Variants in DNAH9 observed in about 807,000 individuals in gnomAD.
DNAH9 encodes dynein axonemal heavy chain 9.
DNAH9 carries 345 observed loss-of-function variants against 471.6 expected under a neutral mutation model. That is an observed-to-expected ratio of 0.73 (90% confidence interval 0.67 to 0.80). The LOEUF is 0.80. DNAH9 is among the 30% of genes least tolerant of loss of function. The probability of loss-of-function intolerance (pLI) is 0.00; values close to 1 mark genes in which losing one functional copy is unlikely to be tolerated. For missense variants in DNAH9, 5,407 were observed against 5,609.2 expected, an observed-to-expected ratio of 0.96 and a Z score of 1.15; for synonymous variants, 2,093 against 2,123.6, an observed-to-expected ratio of 0.99 and a Z score of 0.40.
chr17:11,844,517 T>C (rs1222258116), intron 49 of DNAH9, among the ~76,000 whole-genome samples: 1 of 152,170 alleles, frequency 6.6e-6, no homozygotes, highest in Non-Finnish European at 1.5e-5. Flanking sequence ...GTGATTTTCC[T>C]GCCTCAGCCT....
chr17:11,829,291 T>A (rs1409740771), intron 48 of DNAH9, among the ~76,000 whole-genome samples: 1 of 152,088 alleles, frequency 6.6e-6, no homozygotes, highest in Non-Finnish European at 1.5e-5. Flanking sequence ...TTATGAGAGG[T>A]TTTGATGCTA....
intron 60 of DNAH9, among the ~76,000 whole-genome samples, chr17:11,903,648 C>T (rs758190246): frequency 6.6e-6 from 1 of 152,144 alleles, no homozygotes; most frequent in Non-Finnish European, 1.5e-5. Flanking sequence ...CGGTGGCTCA[C>T]GCCTGTAATC....
At chr17:11,743,524 A>G (rs1038664834) in intron 30 of DNAH9, among the ~76,000 whole-genome samples, 1 of 152,160 alleles carries the variant, frequency 6.6e-6, no homozygotes, top group African/African-American at 2.4e-5. Flanking sequence ...ACTCTCTGCT[A>G]AATACTGCAG....
At chr17:11,606,789 A>G (rs1381465283) in intron 1 of DNAH9, among the ~76,000 whole-genome samples, 1 of 152,128 alleles carries the variant, frequency 6.6e-6, no homozygotes, top group African/African-American at 2.4e-5. Flanking sequence ...TTAGGAGCTC[A>G]AACAAAGTTA....
chr17:11,624,561 T>C (rs1166609683), intron 6 of DNAH9, among the ~76,000 whole-genome samples: 1 of 151,942 alleles, frequency 6.6e-6, no homozygotes, highest in Non-Finnish European at 1.5e-5. Flanking sequence ...CTTTAACAAA[T>C]GAGCATAACT....
At chr17:11,611,570 C>T (rs2072637528) in intron 3 of DNAH9, 80 bp from the exon 4 acceptor site, 4 of 1,436,168 alleles carry the variant, frequency 2.8e-6, no homozygotes, top group Non-Finnish European at 9.6e-7. Context: ...TCCTCTCTTT[C>T]TGTGTGACGA....
At chr17:11,722,123 G>A (rs1052075686) in intron 27 of DNAH9, among the ~76,000 whole-genome samples, 4 of 152,200 alleles carry the variant, frequency 2.6e-5, no homozygotes, top group African/African-American at 9.7e-5. Context: ...GAGCTGCTGT[G>A]CACTTCTCCA....
At chr17:11,869,895 A>T (rs1477316806) in intron 51 of DNAH9, among the ~76,000 whole-genome samples, 2 of 152,198 alleles carry the variant, frequency 1.3e-5, no homozygotes, top group Non-Finnish European at 2.9e-5. Flanking sequence ...TTTCTGCTCC[A>T]TGTGGCCATG....
rs1172762317 is a variant in DNAH9 at position 11,962,370 on chromosome 17, A to C, written c.13233+114A>C. ...ATTCCTGAATCTTTTTCTCTAGCTA[A>C]CCTTCTTTCCTTGAGGCCATCAGGC... On this transcript the variant is annotated intron_variant, in intron 68 of 68. Coordinates refer to ENST00000262442, the MANE Select transcript of DNAH9 (RefSeq NM_001372.4). This position sits in a 1 kb window ranked among gnomAD's most constrained non-coding sequence, Gnocchi z 4.1. 7.0e-6 allele frequency: 10 copies of C among 1,436,388 alleles called. No individual in the cohort carries two copies. Among genetic ancestry groups the C allele is most frequent in the Non-Finnish European group, 9.1e-6 (10 of 1,095,712 alleles). 89.0% of individuals were successfully genotyped at this position (1,436,388 alleles called of 1,614,324 possible).
At chr17:11,655,534 C>T (rs1394256028) in intron 14 of DNAH9, among the ~76,000 whole-genome samples, 1 of 151,914 alleles carries the variant, frequency 6.6e-6, no homozygotes, top group Non-Finnish European at 1.5e-5. Flanking sequence ...TTGTATTTGA[C>T]CTAAGGGACC....
intron 48 of DNAH9, among the ~76,000 whole-genome samples, chr17:11,829,869 C>T (rs1054409021): frequency 6.6e-6 from 1 of 152,162 alleles, no homozygotes; most frequent in Non-Finnish European, 1.5e-5. Flanking sequence ...GCTCTGGATC[C>T]ATCTTATTCA....
chr17:11,633,359 G>A (rs1253314533), intron 8 of DNAH9, among the ~76,000 whole-genome samples: 4 of 152,164 alleles, frequency 2.6e-5, no homozygotes, highest in African/African-American at 9.7e-5. Flanking sequence ...GTTCAGTAGA[G>A]GAAAGAGATT....
At chr17:11,629,255 C>A (rs926181341) in intron 6 of DNAH9, among the ~76,000 whole-genome samples, 162 bp from the exon 7 acceptor site, 1 of 151,910 alleles carries the variant, frequency 6.6e-6, no homozygotes, top group Non-Finnish European at 1.5e-5. Flanking sequence ...CCCATCCCCC[C>A]ACCCCACAAC....
chr17:11,736,136 AC>A (rs1399091966), intron 28 of DNAH9, among the ~76,000 whole-genome samples: 1 of 152,162 alleles, frequency 6.6e-6, no homozygotes, highest in African/African-American at 2.4e-5. Context: ...CAGTTTCTTA[AC>A]TGCCTTCTGC....
intron 61 of DNAH9, among the ~76,000 whole-genome samples, chr17:11,913,712 G>A (rs1417789732): frequency 2.6e-5 from 4 of 151,692 alleles, no homozygotes; most frequent in Non-Finnish European, 5.9e-5. Context: ...AACCCAGGAG[G>A]TGGAGCTTGC....
intron 26 of DNAH9, among the ~76,000 whole-genome samples, chr17:11,716,578 C>T (rs1170724764): frequency 6.6e-6 from 1 of 152,130 alleles, no homozygotes; most frequent in East Asian, 1.9e-4. Flanking sequence ...ACATTTCCCC[C>T]AAAAGATAAT....
intron 52 of DNAH9, among the ~76,000 whole-genome samples, chr17:11,873,870 A>G (rs932576793): frequency 6.6e-6 from 1 of 152,158 alleles, no homozygotes; most frequent in African/African-American, 2.4e-5. Flanking sequence ...GCACTTTAAA[A>G]TGATTAATTT....
At chr17:11,790,281 T>C (rs1969017430) in intron 41 of DNAH9, among the ~76,000 whole-genome samples, 1 of 152,092 alleles carries the variant, frequency 6.6e-6, no homozygotes, top group Non-Finnish European at 1.5e-5. Context: ...GATATTTCAC[T>C]GTGATGGTGG....
intron 28 of DNAH9, among the ~76,000 whole-genome samples, chr17:11,730,947 GA>G (rs2075252482): frequency 2.7e-5 from 4 of 149,844 alleles, no homozygotes; most frequent in Admixed American, 2.7e-4. Context: ...TGACGGTGAT[GA>G]TGATGATGGT....
Sources: gnomAD v4.1 joint callset for allele counts (sites outside exome capture counted in the v4.1 genomes callset) on GRCh38, gnomAD v4.1.1 for gene constraint, Gnocchi (gnomAD v3.1) non-coding constraint, MANE v1.5 for transcripts, NCBI Gene and HGNC (gene_info 2026-07-23, HGNC 2026-07-21) for gene names.